The following LMO7 variants were observed in gnomAD, a reference collection of about 807,000 sequenced individuals.
LMO7 encodes the protein LIM domain 7.
In LMO7, 120 loss-of-function variants were observed where a neutral mutation model predicts 206.5. That is an observed-to-expected ratio of 0.58 (90% CI 0.50 to 0.68). The LOEUF (loss-of-function observed/expected upper bound fraction) is 0.68. Among genes scored for constraint, LMO7 ranks in the 30% least tolerant of loss-of-function variants. LMO7 has a pLI of 0.00. For synonymous variants in LMO7, 706 were observed against 681.5 expected, an observed-to-expected ratio of 1.04 and a Z score of -0.56; for missense variants, 1,959 against 1,957.9, an observed-to-expected ratio of 1.00 and a Z score of -0.01.
intron 1 of LMO7, among the ~76,000 whole-genome samples, chr13:75,686,197 C>T (rs1252901094): frequency 1.3e-5 from 2 of 152,056 alleles, no homozygotes; most frequent in Non-Finnish European, 2.9e-5. Context: ...TAAGGACATA[C>T]CCAAGACTTG....
intron 4 of LMO7, among the ~76,000 whole-genome samples, chr13:75,788,564 A>G (rs1205878576): frequency 6.6e-6 from 1 of 151,846 alleles, no homozygotes; most frequent in East Asian, 1.9e-4. Flanking sequence ...CCCCAGACAT[A>G]TCTTACATAT....
intron 2 of LMO7, among the ~76,000 whole-genome samples, chr13:75,719,637 G>A (rs1321682105): frequency 6.6e-6 from 1 of 152,072 alleles, no homozygotes; most frequent in Non-Finnish European, 1.5e-5. Context: ...GGTAGGACCC[G>A]CTTGCTTCCC....
At chr13:75,681,348 T>C (rs1340446293) in intron 1 of LMO7, among the ~76,000 whole-genome samples, 2 of 152,168 alleles carry the variant, frequency 1.3e-5, no homozygotes, top group Non-Finnish European at 2.9e-5. Context: ...CAGCAAAGTT[T>C]ATGAGCTACT....
intron 4 of LMO7, among the ~76,000 whole-genome samples, chr13:75,787,547 T>A (rs1000538955): frequency 1.4e-4 from 22 of 152,242 alleles, no homozygotes; most frequent in African/African-American, 5.3e-4. Context: ...GAATAAGCAT[T>A]ATGTTGCTAG....
At chr13:75,787,979 A>G (rs1034320498) in intron 4 of LMO7, among the ~76,000 whole-genome samples, 2 of 152,198 alleles carry the variant, frequency 1.3e-5, no homozygotes, top group African/African-American at 4.8e-5. Context: ...TCTATTTTAA[A>G]TAGTGCGATG....
intron 4 of LMO7, among the ~76,000 whole-genome samples, chr13:75,775,388 A>C (rs568157543): frequency 6.6e-6 from 1 of 152,158 alleles, no homozygotes; most frequent in Middle Eastern, 3.2e-3. Context: ...TCTTCTGGAC[A>C]TTGGTCCAGG....
chr13:75,816,200 A>C (rs1024775753), intron 11 of LMO7, among the ~76,000 whole-genome samples: 2 of 152,232 alleles, frequency 1.3e-5, no homozygotes, highest in Non-Finnish European at 2.9e-5. Flanking sequence ...CTTTAAAAGA[A>C]ATAATGATGG....
intron 3 of LMO7, among the ~76,000 whole-genome samples, chr13:75,744,229 A>G (rs576063256): frequency 6.6e-6 from 1 of 152,338 alleles, no homozygotes; most frequent in Admixed American, 6.5e-5. Context: ...TGGGGTCAAC[A>G]TTGTAGTTGT....
At chr13:75,803,382 G>A (rs915580973) in intron 7 of LMO7, among the ~76,000 whole-genome samples, 2 of 152,200 alleles carry the variant, frequency 1.3e-5, no homozygotes, top group Admixed American at 6.5e-5. Flanking sequence ...AGCCAGGCCT[G>A]GAGAGAACCC....
intron 3 of LMO7, among the ~76,000 whole-genome samples, chr13:75,745,987 G>A (rs2046806692): frequency 6.6e-6 from 1 of 152,132 alleles, no homozygotes; most frequent in Non-Finnish European, 1.5e-5. Context: ...ATATCCGGTT[G>A]ATCCTCTTTC....
At chr13:75,755,338 T>C (rs931808737) in intron 3 of LMO7, among the ~76,000 whole-genome samples, 1 of 152,182 alleles carries the variant, frequency 6.6e-6, no homozygotes, top group Non-Finnish European at 1.5e-5. Flanking sequence ...GAAAGAAATC[T>C]CTTGTTGTTT....
At chr13:75,729,060 T>C (rs2044811600) in intron 3 of LMO7, among the ~76,000 whole-genome samples, 2 of 152,160 alleles carry the variant, frequency 1.3e-5, no homozygotes, top group African/African-American at 2.4e-5. Flanking sequence ...TCAGGTAGCG[T>C]GATGCCTCCA....
intron 13 of LMO7, among the ~76,000 whole-genome samples, chr13:75,820,296 A>T (rs1297769565): frequency 3.3e-5 from 5 of 152,218 alleles, no homozygotes; most frequent in African/African-American, 7.2e-5. Flanking sequence ...ACCTTTCTAT[A>T]AATATGAATG....
chr13:75,701,386 C>T (rs569028952), intron 1 of LMO7, among the ~76,000 whole-genome samples: 6 of 152,286 alleles, frequency 3.9e-5, no homozygotes, highest in Non-Finnish European at 5.9e-5. Context: ...GTGACTCTTA[C>T]ATGTGATAGA....
At position 75,798,403 on chromosome 13, in the gene LMO7, G is replaced by C. The variant is rs564956290; in HGVS notation, c.462+1654G>C. On this transcript the variant is annotated intron_variant, in intron 6 of 30. Coordinates refer to ENST00000377534, the MANE Select transcript of LMO7 (RefSeq NM_001306080.2). ...TGTGGGACTTTGGCTTATGTACTAG[G>C]GCTGTCTTTGTAGCCTTTGGTCCTT... Among the ~76,000 whole-genome samples the C allele has an allele frequency of 1.1e-3, 170 of 152,232 alleles. 1 individual carries two copies. Among genetic ancestry groups the C allele is most frequent in the African/African-American group, 3.8e-3 (157 of 41,544 alleles).
intron 4 of LMO7, among the ~76,000 whole-genome samples, chr13:75,781,071 A>AT (rs1206590506): frequency 3.2e-4 from 8 of 25,130 alleles, no homozygotes; most frequent in East Asian, 1.6e-3. Context: ...TCTTGGGAGT[A>AT]TTTTTTTAAC....
At position 75,691,139 on chromosome 13, in the gene LMO7, TAGA is replaced by T. The variant is rs555306650; in HGVS notation, c.70-22039_70-22037del. On this transcript the variant is annotated intron_variant, in intron 1 of 30. Coordinates refer to ENST00000377534, the MANE Select transcript of LMO7 (RefSeq NM_001306080.2). Reference sequence around the variant, plus strand: ...TTGGAGTGTACTCTTTAAACAAAACTAGAAGATTTCTGTAAGCCAAACTGACTG... The same window carrying T: ...TTGGAGTGTACTCTTTAAACAAAACTAGATTTCTGTAAGCCAAACTGACTG... Among the ~76,000 whole-genome samples, 265 of 152,318 alleles carry T rather than the reference TAGA, an allele frequency of 1.7e-3. 1 individual carries two copies. Among genetic ancestry groups the T allele is most frequent in the Middle Eastern group, 0.01 (3 of 294 alleles).
At chr13:75,804,643 A>G (rs1056892929) in intron 8 of LMO7, 102 bp downstream of exon 8, 1 of 1,360,226 alleles carries the variant, frequency 7.4e-7, no homozygotes, top group Middle Eastern at 2.1e-4. Context: ...TTCATAGATC[A>G]TATATTAAGC....
chr13:75,705,113 G>A (rs114342538), intron 1 of LMO7, among the ~76,000 whole-genome samples: 3 of 152,250 alleles, frequency 2.0e-5, no homozygotes, highest in African/African-American at 4.8e-5. Flanking sequence ...TCATATGCTC[G>A]GGTAGGCTAA....
Sources: allele counts gnomAD v4.1 joint callset (sites outside exome capture counted in the v4.1 genomes callset), GRCh38; gene constraint gnomAD v4.1.1; transcripts MANE v1.5; gene names NCBI Gene and HGNC (gene_info 2026-07-23, HGNC 2026-07-21).